CNGB3: variants seen among roughly 807,000 people sequenced by gnomAD.
CNGB3 encodes cyclic nucleotide-gated channel beta-3.
In CNGB3, 86 loss-of-function variants were observed where a neutral mutation model predicts 92.8. That is an observed-to-expected ratio of 0.93 (90% confidence interval 0.78 to 1.11). The LOEUF (loss-of-function observed/expected upper bound fraction) is 1.11. Among genes scored for constraint, CNGB3 ranks in the 50% least tolerant of loss-of-function variants. CNGB3 has a pLI of 0.00. For missense variants in CNGB3, 1,026 were observed against 956.8 expected (o/e 1.07, Z -0.95); for synonymous variants, 333 against 332.7 (o/e 1.00, Z -0.01).
At chr8:86,626,145 CA>C (rs1459603221) in intron 12 of CNGB3, 65 bp from the exon 13 acceptor site, 2 of 1,285,720 alleles carry the variant, frequency 1.6e-6, no homozygotes, top group Non-Finnish European at 2.2e-6. Context: ...CACCAAGGTA[CA>C]AGTAGAAAAA....
chr8:86,733,694 A>C (rs1325215099), intron 2 of CNGB3, among the ~76,000 whole-genome samples: 2 of 152,168 alleles, frequency 1.3e-5, no homozygotes, highest in African/African-American at 2.4e-5. Flanking sequence ...TACACGGTAA[A>C]GTCTTTACTG....
chr8:86,659,332 G>A, intron 6 of CNGB3: 1 of 1,171,324 alleles, frequency 8.5e-7, no homozygotes, highest in Non-Finnish European at 1.3e-6. Context: ...TCCATGGCCT[G>A]CTGTAACTGC....
intron 13 of CNGB3, among the ~76,000 whole-genome samples, chr8:86,612,314 A>G (rs1822537179): frequency 6.6e-6 from 1 of 152,194 alleles, no homozygotes; most frequent in African/African-American, 2.4e-5. Context: ...TTAAATAACT[A>G]TATCTATATG....
At chr8:86,637,429 T>G (rs561007003) in intron 10 of CNGB3, among the ~76,000 whole-genome samples, 1 of 152,278 alleles carries the variant, frequency 6.6e-6, no homozygotes, top group East Asian at 1.9e-4. Context: ...TCAAAATTAC[T>G]TTAGCTATTC....
At chr8:86,703,557 A>C in intron 3 of CNGB3, among the ~76,000 whole-genome samples, 1 of 152,238 alleles carries the variant, frequency 6.6e-6, no homozygotes, top group East Asian at 1.9e-4. Context: ...GTGTGAGTGC[A>C]TGTTTATGGG....
intron 13 of CNGB3, among the ~76,000 whole-genome samples, chr8:86,612,328 TA>T (rs910137272): frequency 1.2e-4 from 18 of 152,194 alleles, no homozygotes; most frequent in South Asian, 2.1e-4. Context: ...CTATATGAGC[TA>T]AAAAAAATCT....
chr8:86,600,989 T>G (rs948826044), intron 15 of CNGB3, among the ~76,000 whole-genome samples: 1 of 151,922 alleles, frequency 6.6e-6, no homozygotes, highest in Non-Finnish European at 1.5e-5. Flanking sequence ...ACAAATTAAT[T>G]ATAAATCAGT....
chr8:86,584,107 A>G (rs1465685927), intron 15 of CNGB3, among the ~76,000 whole-genome samples: 3 of 152,158 alleles, frequency 2.0e-5, no homozygotes, highest in Non-Finnish European at 4.4e-5. Flanking sequence ...AATACAAGGG[A>G]AATAAATTTT....
At chr8:86,703,298 G>A (rs981768656) in intron 3 of CNGB3, among the ~76,000 whole-genome samples, 7 of 152,160 alleles carry the variant, frequency 4.6e-5, no homozygotes, top group African/African-American at 1.4e-4. Context: ...TACAGGCAAG[G>A]TTAAAATGAA....
At chr8:86,682,948 A>G (rs1824111236) in intron 3 of CNGB3, among the ~76,000 whole-genome samples, 1 of 152,138 alleles carries the variant, frequency 6.6e-6, no homozygotes, top group Non-Finnish European at 1.5e-5. Context: ...AGAGCCCTGG[A>G]GCACCAGGCT....
chr8:86,678,386 C>A (rs923258336), intron 3 of CNGB3, among the ~76,000 whole-genome samples: 1 of 152,172 alleles, frequency 6.6e-6, no homozygotes, highest in Non-Finnish European at 1.5e-5. Flanking sequence ...TTTTCACATT[C>A]ACCTCTAAAT....
intron 6 of CNGB3, among the ~76,000 whole-genome samples, chr8:86,665,667 T>A (rs1239518901): frequency 6.6e-6 from 1 of 152,122 alleles, no homozygotes; most frequent in Non-Finnish European, 1.5e-5. Flanking sequence ...ATACAGCATG[T>A]TTTCACTTAT....
chr8:86,591,190 T>C (rs1822026657), intron 15 of CNGB3, among the ~76,000 whole-genome samples: 2 of 146,892 alleles, frequency 1.4e-5, no homozygotes, highest in Admixed American at 1.4e-4. Context: ...TTCAGCTCCA[T>C]CAGCTCCTTT....
chr8:86,629,978 T>G (rs1252213756), intron 11 of CNGB3, among the ~76,000 whole-genome samples: 1 of 152,204 alleles, frequency 6.6e-6, no homozygotes, highest in Non-Finnish European at 1.5e-5. Flanking sequence ...CTCATTCATT[T>G]TAGTAGCTTT....
In CNGB3 at chr8:86,639,886, G is replaced by A. The variant is rs74353485; in HGVS notation, c.1178+3865C>T. ...CTTCAGTCTAAATGAGCAGAGCAGA[G>A]CTGATGGGGTAATATTTATAGTCAG... On this transcript the variant is annotated intron_variant, in intron 10 of 17. Coordinates refer to ENST00000320005, the MANE Select transcript of CNGB3 (RefSeq NM_019098.5). 4.5e-3 allele frequency among the ~76,000 whole-genome samples: 679 copies of A among 152,128 alleles called. 3 individuals carry two copies. Among genetic ancestry groups the A allele is most frequent in the African/African-American group, 0.015 (641 of 41,542 alleles).
chr8:86,728,460 CA>C (rs1825101769), intron 2 of CNGB3, among the ~76,000 whole-genome samples: 3 of 152,232 alleles, frequency 2.0e-5, no homozygotes, highest in Admixed American at 6.5e-5. Context: ...CATATTTTTC[CA>C]TTTCTCTTTA....
intron 3 of CNGB3, among the ~76,000 whole-genome samples, chr8:86,719,533 A>G (rs1379154978): frequency 6.6e-6 from 1 of 152,110 alleles, no homozygotes; most frequent in Non-Finnish European, 1.5e-5. Flanking sequence ...CAACACAAAC[A>G]TGGAAACAAA....
intron 13 of CNGB3, among the ~76,000 whole-genome samples, chr8:86,613,900 A>G (rs1274610298): frequency 6.8e-6 from 1 of 147,810 alleles, no homozygotes; most frequent in Non-Finnish European, 1.5e-5. Context: ...AAAATTATAT[A>G]TGTATATATA....
chr8:86,660,521 C>A, intron 6 of CNGB3: 1 of 532,920 alleles, frequency 1.9e-6, no homozygotes, highest in East Asian at 5.4e-5. Flanking sequence ...TCCAGAGGGA[C>A]GATTTTTCTC....
Sources: gnomAD v4.1 joint callset for allele counts (sites outside exome capture counted in the v4.1 genomes callset) on GRCh38, gnomAD v4.1.1 for gene constraint, MANE v1.5 for transcripts, NCBI Gene and HGNC (gene_info 2026-07-23, HGNC 2026-07-21) for gene names.